The following HS3ST4 variants were observed in gnomAD, a reference collection of about 807,000 sequenced individuals.
The protein encoded by HS3ST4 is heparan sulfate-glucosamine 3-sulfotransferase 4.
Under a neutral mutation model 29.2 loss-of-function variants are expected in HS3ST4, and 17 were observed. The observed-to-expected ratio is 0.58, with a 90% CI of 0.40 to 0.87. HS3ST4 has a LOEUF of 0.87. HS3ST4 is among the 40% of genes least tolerant of loss of function. The pLI is 0.00. For synonymous variants in HS3ST4, 314 were observed against 285.7 expected (o/e 1.10, Z -1.00); for missense variants, 627 against 634.5 (o/e 0.99, Z 0.13).
intron 1 of HS3ST4, among the ~76,000 whole-genome samples, chr16:26,056,182 C>T (rs1238030048): frequency 6.6e-6 from 1 of 152,150 alleles, no homozygotes; most frequent in South Asian, 2.1e-4. Flanking sequence ...AAGGCAAGGG[C>T]TAAACATCTG....
chr16:25,698,105 A>G (rs561033917), intron 1 of HS3ST4, among the ~76,000 whole-genome samples: 5 of 151,616 alleles, frequency 3.3e-5, no homozygotes, highest in African/African-American at 7.3e-5. Flanking sequence ...ATTTGAAAAA[A>G]TTTTTTTAAA....
intron 1 of HS3ST4, among the ~76,000 whole-genome samples, chr16:25,906,870 A>G (rs1968185296): frequency 6.6e-6 from 1 of 152,180 alleles, no homozygotes; most frequent in African/African-American, 2.4e-5. Flanking sequence ...CAAGCAATAG[A>G]GAGACAGGAT....
chr16:25,805,947 C>T (rs1208536488), intron 1 of HS3ST4, among the ~76,000 whole-genome samples: 1 of 152,126 alleles, frequency 6.6e-6, no homozygotes. Context: ...TAAGTGAGAA[C>T]ATAACAGTGT....
intron 1 of HS3ST4, among the ~76,000 whole-genome samples, chr16:26,115,221 T>A (rs567926016): frequency 5.9e-5 from 8 of 136,628 alleles, no homozygotes; most frequent in Admixed American, 4.3e-4. Flanking sequence ...ATATATATAT[T>A]CATGTATATG....
chr16:25,815,708 G>C (rs1967086667), intron 1 of HS3ST4, among the ~76,000 whole-genome samples: 1 of 152,164 alleles, frequency 6.6e-6, no homozygotes, highest in Non-Finnish European at 1.5e-5. Context: ...CATGTGAGGG[G>C]CTAACTGAAA....
intron 1 of HS3ST4, among the ~76,000 whole-genome samples, chr16:26,048,579 G>A (rs925148205): frequency 2.6e-5 from 4 of 152,292 alleles, no homozygotes; most frequent in African/African-American, 9.6e-5. Context: ...CACTTTGGGA[G>A]GCCCAGGTGA....
intron 1 of HS3ST4, among the ~76,000 whole-genome samples, chr16:25,872,717 A>G (rs1456047272): frequency 1.3e-5 from 2 of 152,216 alleles, no homozygotes; most frequent in African/African-American, 2.4e-5. Context: ...AAAGCAAGTC[A>G]CATAGACAAG....
intron 1 of HS3ST4, among the ~76,000 whole-genome samples, chr16:25,871,325 A>G (rs1024557747): frequency 1.3e-5 from 2 of 152,200 alleles, no homozygotes; most frequent in Non-Finnish European, 2.9e-5. Flanking sequence ...AGAGCTGCCC[A>G]TCATTATTCT....
intron 1 of HS3ST4, among the ~76,000 whole-genome samples, chr16:25,798,771 C>T (rs748233448): frequency 6.6e-6 from 1 of 152,168 alleles, no homozygotes; most frequent in Non-Finnish European, 1.5e-5. Context: ...CTTCACGGCA[C>T]CCTCATTCTT....
intron 1 of HS3ST4, among the ~76,000 whole-genome samples, chr16:26,081,196 A>G (rs949234131): frequency 1.3e-5 from 2 of 151,928 alleles, no homozygotes; most frequent in Admixed American, 6.6e-5. Context: ...CTGAGGCAGA[A>G]GAATCACTTG....
At chr16:25,966,060 A>G (rs1222344160) in intron 1 of HS3ST4, among the ~76,000 whole-genome samples, 1 of 152,198 alleles carries the variant, frequency 6.6e-6, no homozygotes, top group Non-Finnish European at 1.5e-5. Context: ...ATACCATATC[A>G]TGACACTATT....
intron 1 of HS3ST4, among the ~76,000 whole-genome samples, chr16:25,850,358 A>G (rs1395269502): frequency 6.6e-6 from 1 of 152,128 alleles, no homozygotes; most frequent in African/African-American, 2.4e-5. Flanking sequence ...AAAAAACCCC[A>G]CATCCATCTC....
intron 1 of HS3ST4, among the ~76,000 whole-genome samples, chr16:26,079,733 G>C (rs965472115): frequency 6.6e-6 from 1 of 152,212 alleles, no homozygotes; most frequent in Admixed American, 6.5e-5. Flanking sequence ...TCACATTAAA[G>C]AGGAAGGAAG....
intron 1 of HS3ST4, among the ~76,000 whole-genome samples, chr16:26,068,706 A>G (rs908683457): frequency 1.3e-5 from 2 of 152,158 alleles, no homozygotes; most frequent in African/African-American, 2.4e-5. Context: ...AAGAACAAGT[A>G]CAAAATCCTG....
At chr16:25,954,299 T>C (rs1968707472) in intron 1 of HS3ST4, among the ~76,000 whole-genome samples, 2 of 152,330 alleles carry the variant, frequency 1.3e-5, no homozygotes, top group South Asian at 2.1e-4. Context: ...GTAATAATGA[T>C]AGTAAAGGCA....
chr16:26,091,167 C>T (rs1402285451), intron 1 of HS3ST4, among the ~76,000 whole-genome samples: 1 of 152,152 alleles, frequency 6.6e-6, no homozygotes, highest in African/African-American at 2.4e-5. Flanking sequence ...AGTCTTCCTT[C>T]AAGATAATGA....
At chr16:26,076,897 T>G (rs956889651) in intron 1 of HS3ST4, among the ~76,000 whole-genome samples, 1 of 152,252 alleles carries the variant, frequency 6.6e-6, no homozygotes, top group Non-Finnish European at 1.5e-5. Context: ...CAAATACAGG[T>G]GCCTCAGAGT....
intron 1 of HS3ST4, among the ~76,000 whole-genome samples, chr16:26,056,939 T>C (rs1898415857): frequency 6.6e-6 from 1 of 152,164 alleles, no homozygotes; most frequent in South Asian, 2.1e-4. Context: ...TCACATTATA[T>C]TGTCATATTT....
rs34729954 is a variant in HS3ST4 at position 25,788,540 on chromosome 16, C to CTTTTTTTTTT, written c.734+95392_734+95393insTTTTTTTTTT. Among the ~76,000 whole-genome samples, 135 of 99,054 alleles carry CTTTTTTTTTT rather than the reference C, an allele frequency of 1.4e-3. 2 individuals are homozygous for CTTTTTTTTTT. Among genetic ancestry groups the CTTTTTTTTTT allele is most frequent in the Admixed American group, 1.8e-3 (15 of 8,322 alleles). 65.0% of individuals were successfully genotyped at this position (99,054 alleles called of 152,430 possible). ...TTCCTACATTTTTTTTTCTTTTCTT[C>CTTTTTTTTTT]TTTCTTTTTTTTTTTTTTTTGACAG... On this transcript the variant is annotated intron_variant, in intron 1 of 1. Transcript: ENST00000331351.
Sources: gnomAD v4.1 joint callset for allele counts (sites outside exome capture counted in the v4.1 genomes callset) on GRCh38, gnomAD v4.1.1 for gene constraint, MANE v1.5 for transcripts, NCBI Gene and HGNC (gene_info 2026-07-23, HGNC 2026-07-21) for gene names.